RAC1: variants seen among roughly 807,000 people sequenced by gnomAD.
RAC1 encodes Rac family small GTPase 1, also known as ras-related C3 botulinum toxin substrate 1.
RAC1 carries 2 observed loss-of-function variants against 25.2 expected under a neutral mutation model. The ratio of observed to expected loss-of-function variants is 0.08; its 90% CI spans 0.03 to 0.25. RAC1 has a LOEUF of 0.25. RAC1 is among the 10% of genes least tolerant of loss of function. RAC1 has a pLI of 1.00. For synonymous variants in RAC1, 88 were observed against 94.0 expected (o/e 0.94, Z 0.37); for missense variants, 50 against 235.7 (o/e 0.21, Z 5.16).
In RAC1 at chr7:6,402,478, C is replaced by T. The variant is rs748108279; in HGVS notation, c.*32C>T. 2.3e-4 allele frequency: 188 copies of T among 828,060 alleles called. No homozygotes were observed. Among genetic ancestry groups the T allele is most frequent in the Non-Finnish European group, 3.0e-4 (182 of 609,036 alleles). The allele number at this position is 828,060 out of a possible 1,614,324, so 51.3% of individuals were successfully genotyped here. On this transcript the variant is annotated 3_prime_UTR_variant, in exon 6 of 6. Coordinates refer to ENST00000348035, the MANE Select transcript of RAC1 (RefSeq NM_006908.5). ...CAGCCCCTCGTTCTTGGTCCTGTCC[C>T]TTGGAACCTTTGTACGCTTTGCTCA...
intron 1 of RAC1, among the ~76,000 whole-genome samples, chr7:6,381,898 G>A (rs939561009): frequency 6.6e-6 from 1 of 151,808 alleles, no homozygotes; most frequent in African/African-American, 2.4e-5. Flanking sequence ...AGTGTAAATC[G>A]AGGACCTTCA....
chr7:6,398,507 T>G (rs1416746110), intron 3 of RAC1, among the ~76,000 whole-genome samples: 2 of 152,220 alleles, frequency 1.3e-5, no homozygotes, highest in African/African-American at 2.4e-5. Context: ...TTCAGTGGCA[T>G]TTGTCATCGA....
intron 3 of RAC1, among the ~76,000 whole-genome samples, chr7:6,398,892 C>T (rs1783320977): frequency 6.6e-6 from 1 of 152,110 alleles, no homozygotes; most frequent in African/African-American, 2.4e-5. Context: ...TGATAGTTTA[C>T]CCACCGGCTT....
chr7:6,378,725 T>G (rs563352074), intron 1 of RAC1, among the ~76,000 whole-genome samples: 2 of 152,260 alleles, frequency 1.3e-5, no homozygotes, highest in African/African-American at 4.8e-5. Context: ...TCCACCTTAC[T>G]GCTGCCCCAC....
At chr7:6,400,270 G>A in intron 4 of RAC1, 82 bp downstream of exon 4, 2 of 1,330,960 alleles carry the variant, frequency 1.5e-6, no homozygotes, top group South Asian at 1.2e-5. Flanking sequence ...ACTTAGCCTA[G>A]GAATTTTTAG....
At chr7:6,392,118 A>G in intron 3 of RAC1, 77 bp downstream of exon 3, 3 of 1,597,536 alleles carry the variant, frequency 1.9e-6, no homozygotes, top group East Asian at 2.2e-5. Flanking sequence ...CATGTTACCT[A>G]TGGACTTGCT....
intron 1 of RAC1, among the ~76,000 whole-genome samples, chr7:6,378,196 G>C (rs1782659324): frequency 6.6e-6 from 1 of 152,064 alleles, no homozygotes; most frequent in Non-Finnish European, 1.5e-5. Flanking sequence ...CAATCTTCTG[G>C]GATGAGTTTT....
intron 1 of RAC1, among the ~76,000 whole-genome samples, chr7:6,375,508 C>T (rs1782557659): frequency 6.6e-6 from 1 of 152,098 alleles, no homozygotes. Context: ...GGTGACACCG[C>T]GCCCGGCCTC....
intron 1 of RAC1, among the ~76,000 whole-genome samples, chr7:6,384,059 T>C (rs957102839): frequency 6.6e-6 from 1 of 152,024 alleles, no homozygotes; most frequent in Non-Finnish European, 1.5e-5. Flanking sequence ...CCTCCCAAAG[T>C]GCTGGGATTA....
At chr7:6,381,760 A>ATTT (rs1324631311) in intron 1 of RAC1, among the ~76,000 whole-genome samples, 1 of 151,812 alleles carries the variant, frequency 6.6e-6, no homozygotes, top group East Asian at 1.9e-4. Flanking sequence ...ATAATTTTAG[A>ATTT]TTGGGTTTTG....
intron 4 of RAC1, among the ~76,000 whole-genome samples, chr7:6,400,622 G>T (rs750810978): frequency 6.6e-6 from 1 of 152,066 alleles, no homozygotes; most frequent in Non-Finnish European, 1.5e-5. Flanking sequence ...CACTGCATCT[G>T]GCCCATCAGC....
intron 1 of RAC1, among the ~76,000 whole-genome samples, chr7:6,386,083 C>T (rs1050221651): frequency 5.9e-5 from 9 of 152,236 alleles, no homozygotes; most frequent in Non-Finnish European, 8.8e-5. Context: ...CCTGGCGGCA[C>T]ACTGGTAATA....
intron 3 of RAC1, among the ~76,000 whole-genome samples, chr7:6,395,626 A>G (rs34610704): frequency 0.036 from 5,538 of 152,166 alleles, 130 homozygotes; most frequent in South Asian, 0.1. Context: ...TTTTGGTCCT[A>G]TTTCAGCACA....
At chr7:6,378,477 C>T (rs568908452) in intron 1 of RAC1, among the ~76,000 whole-genome samples, 1 of 151,646 alleles carries the variant, frequency 6.6e-6, no homozygotes, top group East Asian at 1.9e-4. Flanking sequence ...ACCCGGAAGG[C>T]GGAAGTTGCA....
rs1056802409 is a variant in RAC1, at chr7:6,374,665, C to T, written c.-71C>T. 8.8e-6 allele frequency: 9 copies of T among 1,019,464 alleles called. No individual in the cohort carries two copies. The African/African-American group carries it at 1.2e-4, about 14-fold the overall frequency. The allele number at this position is 1,019,464 out of a possible 1,614,324, so 63.2% of individuals were successfully genotyped here. Reference sequence around the variant, plus strand: ...CGCCCGCAAGCCGCGCGCCCGTCCGCCGCGCCCCGAGCCCGCCGCTTCCTA... The same window carrying T: ...CGCCCGCAAGCCGCGCGCCCGTCCGTCGCGCCCCGAGCCCGCCGCTTCCTA... On this transcript the variant is annotated 5_prime_UTR_variant, in exon 1 of 6. Coordinates refer to ENST00000348035, the MANE Select transcript of RAC1 (RefSeq NM_006908.5).
intron 3 of RAC1, among the ~76,000 whole-genome samples, chr7:6,394,880 A>G (rs532067435): frequency 3.7e-4 from 55 of 149,132 alleles, no homozygotes; most frequent in Non-Finnish European, 6.4e-4. Context: ...TTTGAGACGG[A>G]GTCTTGCTCT....
At chr7:6,377,679 C>T (rs898685513) in intron 1 of RAC1, among the ~76,000 whole-genome samples, 37 of 152,124 alleles carry the variant, frequency 2.4e-4, no homozygotes, top group Admixed American at 3.3e-4. Flanking sequence ...CTTTGGGAGG[C>T]CGAGGTGGGC....
intron 4 of RAC1, among the ~76,000 whole-genome samples, chr7:6,400,471 A>G (rs943200282): frequency 6.6e-5 from 10 of 151,914 alleles, no homozygotes; most frequent in African/African-American, 2.4e-4. Flanking sequence ...CTGGGACCAT[A>G]AATGTGCACC....
intron 3 of RAC1, among the ~76,000 whole-genome samples, chr7:6,395,105 T>C (rs769323949): frequency 5.9e-5 from 9 of 152,086 alleles, no homozygotes; most frequent in Admixed American, 2.6e-4. Flanking sequence ...CCGCCCGCCT[T>C]GGCCTCCCCA....
Sources: gnomAD v4.1 joint callset for allele counts (sites outside exome capture counted in the v4.1 genomes callset) on GRCh38, gnomAD v4.1.1 for gene constraint, MANE v1.5 for transcripts, NCBI Gene and HGNC (gene_info 2026-07-23, HGNC 2026-07-21) for gene names.